TMEM132D: variants seen among roughly 807,000 people sequenced by gnomAD.
TMEM132D encodes the protein mature OL transmembrane protein.
Under a neutral mutation model 62.3 loss-of-function variants are expected in TMEM132D, and 21 were observed. The ratio of observed to expected loss-of-function variants is 0.34; its 90% CI spans 0.24 to 0.49. TMEM132D has a LOEUF of 0.49. Ranked by LOEUF, TMEM132D falls within the 20% of genes least tolerant of loss-of-function variation. The pLI is 0.99. For synonymous variants in TMEM132D, 621 were observed against 575.6 expected (o/e 1.08, Z -1.13); for missense variants, 1,346 against 1,402.8 (o/e 0.96, Z 0.65).
At chr12:129,850,705 A>G (rs1246115171) in intron 1 of TMEM132D, among the ~76,000 whole-genome samples, 5 of 152,242 alleles carry the variant, frequency 3.3e-5, no homozygotes, top group Admixed American at 2.6e-4. Context: ...TCATTCAATC[A>G]GGAAACTTTC....
intron 1 of TMEM132D, chr12:129,840,090 T>C (rs898196847): frequency 6.6e-6 from 1 of 152,238 alleles, no homozygotes. Context: ...TTAAAAAATA[T>C]GACCTCAATT....
At chr12:129,129,774 C>T (rs1195946638) in intron 5 of TMEM132D, among the ~76,000 whole-genome samples, 1 of 152,026 alleles carries the variant, frequency 6.6e-6, no homozygotes, top group African/African-American at 2.4e-5. Context: ...TTCTTGTTGG[C>T]CGCTCGTATG....
chr12:129,122,315 AG>A (rs1269417850), intron 5 of TMEM132D, among the ~76,000 whole-genome samples: 1 of 152,222 alleles, frequency 6.6e-6, no homozygotes, highest in Non-Finnish European at 1.5e-5. Flanking sequence ...TGGGTGACAT[AG>A]AAGGAAAGTA....
intron 1 of TMEM132D, among the ~76,000 whole-genome samples, chr12:129,737,195 T>C (rs1399089146): frequency 6.6e-6 from 1 of 152,200 alleles, no homozygotes; most frequent in East Asian, 1.9e-4. Context: ...CCTGATGTTG[T>C]AGGATGTTTA....
At chr12:129,095,582 C>T (rs142415302) in intron 5 of TMEM132D, among the ~76,000 whole-genome samples, 2,033 of 152,210 alleles carry the variant, frequency 0.013, 57 homozygotes, top group African/African-American at 0.046. Flanking sequence ...AAACTCCTGA[C>T]CTCAGGTGAT....
chr12:129,560,756 T>C (rs1298101896), intron 2 of TMEM132D, among the ~76,000 whole-genome samples: 1 of 152,118 alleles, frequency 6.6e-6, no homozygotes, highest in Non-Finnish European at 1.5e-5. Context: ...TCACCAAGGG[T>C]GGGTGACAAC....
At chr12:129,287,186 G>A (rs1881325085) in intron 4 of TMEM132D, among the ~76,000 whole-genome samples, 1 of 152,202 alleles carries the variant, frequency 6.6e-6, no homozygotes, top group Non-Finnish European at 1.5e-5. Flanking sequence ...CATGGTGGCA[G>A]GAGATGACTT....
intron 3 of TMEM132D, among the ~76,000 whole-genome samples, chr12:129,404,800 C>G (rs1049957391): frequency 2.6e-5 from 4 of 151,984 alleles, no homozygotes; most frequent in South Asian, 2.1e-4. Context: ...TCTGTCCCCA[C>G]GATCTGATCA....
At position 129,464,165 on chromosome 12, in the gene TMEM132D, T is replaced by C. The variant is rs1873796241; in HGVS notation, c.1115+66894A>G. Among the ~76,000 whole-genome samples, 5 of 151,238 alleles carry C rather than the reference T, an allele frequency of 3.3e-5. No homozygotes were observed. The Middle Eastern group carries it at 0.01, about 309-fold the overall frequency. ...TTTCCTGACTTTTTAATGATTGCCATTCTCACTGGTGTGAGATGGTATCTC... is the reference window on the plus strand; with the variant it reads ...TTTCCTGACTTTTTAATGATTGCCACTCTCACTGGTGTGAGATGGTATCTC... On this transcript the variant is annotated intron_variant, in intron 3 of 8. Coordinates refer to ENST00000422113, the MANE Select transcript of TMEM132D (RefSeq NM_133448.3).
intron 3 of TMEM132D, among the ~76,000 whole-genome samples, chr12:129,391,778 A>G (rs1429715088): frequency 2.0e-5 from 3 of 152,054 alleles, no homozygotes; most frequent in Non-Finnish European, 4.4e-5. Flanking sequence ...TTTTTTTTAG[A>G]TAGAGTCTCG....
At chr12:129,297,211 C>G (rs1881600548) in intron 4 of TMEM132D, among the ~76,000 whole-genome samples, 1 of 152,098 alleles carries the variant, frequency 6.6e-6, no homozygotes, top group African/African-American at 2.4e-5. Flanking sequence ...GGCTGAAGGT[C>G]CTGGAACCAG....
intron 5 of TMEM132D, among the ~76,000 whole-genome samples, chr12:129,155,946 T>C (rs926994157): frequency 6.6e-6 from 1 of 151,094 alleles, no homozygotes; most frequent in African/African-American, 2.4e-5. Flanking sequence ...ACTCCCAAGA[T>C]AATCAACCCA....
chr12:129,522,519 G>A (rs1296061654), intron 3 of TMEM132D: 4 of 152,010 alleles, frequency 2.6e-5, no homozygotes, highest in Admixed American at 6.6e-5. Flanking sequence ...TGGAGGTTTC[G>A]GCAAGTTTGA....
intron 1 of TMEM132D, among the ~76,000 whole-genome samples, chr12:129,778,104 G>GA (rs1330324358): frequency 2.0e-5 from 2 of 100,930 alleles, no homozygotes; most frequent in Non-Finnish European, 3.6e-5. Flanking sequence ...AACAGAGTGA[G>GA]ACCCTGTCTC....
At chr12:129,767,785 T>C (rs1593154200) in intron 1 of TMEM132D, among the ~76,000 whole-genome samples, 1 of 152,206 alleles carries the variant, frequency 6.6e-6, no homozygotes, top group Non-Finnish European at 1.5e-5. Flanking sequence ...GTGAGTGTAG[T>C]AGTCTGTTTT....
intron 1 of TMEM132D, among the ~76,000 whole-genome samples, chr12:129,785,846 T>C (rs1871235168): frequency 6.6e-6 from 1 of 152,218 alleles, no homozygotes; most frequent in Non-Finnish European, 1.5e-5. Flanking sequence ...TTTCTTGTGG[T>C]CAGTATTTAA....
chr12:129,263,553 T>A (rs1182235023), intron 4 of TMEM132D, among the ~76,000 whole-genome samples: 2 of 151,978 alleles, frequency 1.3e-5, no homozygotes, highest in Admixed American at 6.5e-5. Flanking sequence ...GAGAGAAAGA[T>A]CTAAGGAGGC....
chr12:129,297,282 G>T (rs949783861), intron 4 of TMEM132D, among the ~76,000 whole-genome samples: 1 of 152,184 alleles, frequency 6.6e-6, no homozygotes, highest in Non-Finnish European at 1.5e-5. Flanking sequence ...CTTTAGTCCA[G>T]TTCTCTCATC....
At chr12:129,446,775 C>A (rs1566071236) in intron 3 of TMEM132D, among the ~76,000 whole-genome samples, 2 of 152,158 alleles carry the variant, frequency 1.3e-5, no homozygotes. Flanking sequence ...ACAATTTCCC[C>A]CTCTCTTACT....
Sources: allele counts gnomAD v4.1 joint callset (sites outside exome capture counted in the v4.1 genomes callset), GRCh38; gene constraint gnomAD v4.1.1; transcripts MANE v1.5; gene names NCBI Gene and HGNC (gene_info 2026-07-23, HGNC 2026-07-21).